Variants in OCA2 observed in about 807,000 individuals in gnomAD.
The protein encoded by OCA2 is P protein.
A neutral mutation model predicts 100.2 loss-of-function variants in OCA2; 77 were observed. The observed-to-expected ratio is 0.77, with a 90% CI of 0.64 to 0.93. The LOEUF (loss-of-function observed/expected upper bound fraction) is 0.93. Ranked by LOEUF, OCA2 falls within the 40% of genes least tolerant of loss-of-function variation. OCA2 has a pLI of 0.00. For missense variants in OCA2, 1,062 were observed against 1,089.1 expected, an observed-to-expected ratio of 0.98 and a Z score of 0.35; for synonymous variants, 432 against 439.2, an observed-to-expected ratio of 0.98 and a Z score of 0.21.
In OCA2 at chr15:28,081,830, C is replaced by A; in HGVS notation, c.45G>T (p.Pro15=). The change falls in exon 2 of 24, where the codon CCG becomes CCT. Residue 15 remains proline, a synonymous_variant. Coordinates refer to ENST00000354638, the MANE Select transcript of OCA2 (RefSeq NM_000275.3). ...CGGACGTCTGCAGGAGCTCCACCGC[C>A]GGCGCGCCGGGGTACCGCCTGCCGT... ...GRDGRRYPGA[P]AVELLQTSVP... 1 of 1,611,820 alleles carries A rather than the reference C, an allele frequency of 6.2e-7. No individual in the cohort carries two copies. The highest frequency in any genetic ancestry group is 8.5e-7 in the Non-Finnish European group (1 of 1,179,764).
intron 2 of OCA2, among the ~76,000 whole-genome samples, chr15:28,036,251 G>C (rs1011078412): frequency 1.3e-5 from 2 of 152,108 alleles, no homozygotes; most frequent in Non-Finnish European, 2.9e-5. Context: ...TGTGAGTCCT[G>C]GTAGATAACT....
At chr15:27,928,335 T>C (rs996248156) in intron 18 of OCA2, among the ~76,000 whole-genome samples, 7 of 152,198 alleles carry the variant, frequency 4.6e-5, no homozygotes, top group Non-Finnish European at 8.8e-5. Flanking sequence ...AGTCAACTTT[T>C]AGCCAATCTG....
In OCA2 at chr15:27,755,424, AT is replaced by A; in HGVS notation, c.2480del (p.Tyr827PhefsTer32). On this transcript the variant is annotated frameshift_variant, in exon 24 of 24. Coordinates refer to ENST00000354638, the MANE Select transcript of OCA2 (RefSeq NM_000275.3). LOFTEE classifies it high-confidence loss of function. ...CCACCACCACATGAGCCACAAGGAG[AT>A]AACACATCCCAACAGTGCAGGACAC... ...MVVSCTVGMCYLLVAHVVVGW... is the reference protein window; with the variant it reads ...MVVSCTVGMCXLLVAHVVVGW... 1 of 1,614,000 alleles carries A rather than the reference AT, an allele frequency of 6.2e-7. No individual in the cohort carries two copies. Among genetic ancestry groups the A allele is most frequent in the Non-Finnish European group, 8.5e-7 (1 of 1,179,868 alleles).
At chr15:27,960,957 C>T (rs1169924949) in intron 15 of OCA2, among the ~76,000 whole-genome samples, 1 of 150,710 alleles carries the variant, frequency 6.6e-6, no homozygotes, top group Non-Finnish European at 1.5e-5. Context: ...CAAATGGGAT[C>T]TAATTAAACT....
At position 27,954,116 on chromosome 15, in the gene OCA2, TACACACACACACAC is replaced by T. The variant is rs200633980; in HGVS notation, c.1842+1028_1842+1041del. Among the ~76,000 whole-genome samples, 10 of 46,382 alleles carry T rather than the reference TACACACACACACAC, an allele frequency of 2.2e-4. No homozygotes were observed. In the South Asian group the frequency reaches 4.7e-3, roughly 22 times the overall value. 30.4% of individuals were successfully genotyped at this position (46,382 alleles called of 152,430 possible). A position where few individuals can be genotyped will look rare whatever the true frequency, so the allele number is the denominator to read the frequency against. On this transcript the variant is annotated intron_variant, in intron 17 of 23. Transcript: ENST00000354638. ...TATGGCTGAGTAGTATTCCATGGCA[TACACACACACACAC>T]ACACACACACACACACACACACACA...
chr15:27,825,695 C>T (rs1221464265), intron 23 of OCA2, among the ~76,000 whole-genome samples: 1 of 152,178 alleles, frequency 6.6e-6, no homozygotes, highest in Non-Finnish European at 1.5e-5. Flanking sequence ...CTTTGGTTCT[C>T]CCAACCCCAC....
rs75936617 is a variant in OCA2, at chr15:27,969,192, T to C, written c.1504-2370A>G. Among the ~76,000 whole-genome samples, 503 of 152,076 alleles carry C rather than the reference T, an allele frequency of 3.3e-3. 6 individuals are homozygous for C. The East Asian group carries it at 0.058, about 18-fold the overall frequency. On this transcript the variant is annotated intron_variant, in intron 14 of 23. Coordinates refer to ENST00000354638, the MANE Select transcript of OCA2 (RefSeq NM_000275.3). ...ATAAAGTTTTGCCCCATTTGAAATG[T>C]TGGGGCAATTGGAGAAAAAAGTGAT... is the stretch of plus-strand genomic sequence containing the variant.
chr15:28,094,010 T>C lies in OCA2; in HGVS notation c.-22+5214A>G, dbSNP rs770004810. ...CTCTGCTCACCCAGAACTCTCCCTC[T>C]TTCTCACACATTCCTCATCCAGTTC... On this transcript the variant is annotated intron_variant, in intron 1 of 23. Coordinates refer to ENST00000354638, the MANE Select transcript of OCA2 (RefSeq NM_000275.3). 4.8e-4 allele frequency among the ~76,000 whole-genome samples: 73 copies of C among 152,142 alleles called. 2 individuals are homozygous for C. The highest frequency in any genetic ancestry group is 7.2e-4 in the Admixed American group (11 of 15,274).
rs986518556 is a variant in OCA2, at chr15:27,996,587, C to T, written c.1045-5940G>A. Among the ~76,000 whole-genome samples, 17 of 93,034 alleles carry T rather than the reference C, an allele frequency of 1.8e-4. 1 individual carries two copies. Among genetic ancestry groups the T allele is most frequent in the Non-Finnish European group, 1.0e-4 (3 of 29,434 alleles). The allele number at this position is 93,034 out of a possible 152,430, so 61.0% of individuals were successfully genotyped here. A position where few individuals can be genotyped will look rare whatever the true frequency, so the allele number is the denominator to read the frequency against. ...CAAAATTGATGGAACTTTATCTAGA[C>T]CTACCAAGAAAAAAAAAGAGCACTC... On this transcript the variant is annotated intron_variant, in intron 9 of 23. Coordinates refer to ENST00000354638, the MANE Select transcript of OCA2 (RefSeq NM_000275.3).
At chr15:27,751,242 T>C (rs1211542249), downstream of OCA2, among the ~76,000 whole-genome samples, 1 of 152,218 alleles carries the variant, frequency 6.6e-6, no homozygotes, top group Non-Finnish European at 1.5e-5. Flanking sequence ...GCATAATAAT[T>C]GGTCCTATGA....
chr15:27,813,896 T>C (rs1351614803), intron 23 of OCA2, among the ~76,000 whole-genome samples: 1 of 152,234 alleles, frequency 6.6e-6, no homozygotes, highest in African/African-American at 2.4e-5. Context: ...TTTTTTCTTT[T>C]TTAATTACTA....
At chr15:27,797,266 T>C (rs1355345840) in intron 23 of OCA2, among the ~76,000 whole-genome samples, 1 of 152,168 alleles carries the variant, frequency 6.6e-6, no homozygotes, top group Non-Finnish European at 1.5e-5. Flanking sequence ...ATCAGAGTCC[T>C]CAAGAATCCC....
At chr15:27,832,027 A>G (rs2034980354) in intron 23 of OCA2, among the ~76,000 whole-genome samples, 1 of 148,896 alleles carries the variant, frequency 6.7e-6, no homozygotes, top group Admixed American at 6.7e-5. Flanking sequence ...TCCGTCAGAG[A>G]CTCCTGCCAG....
intron 21 of OCA2, among the ~76,000 whole-genome samples, chr15:27,866,354 G>A (rs2036323465): frequency 6.6e-6 from 1 of 152,188 alleles, no homozygotes; most frequent in South Asian, 2.1e-4. Flanking sequence ...AGTGGCAGGT[G>A]GTCTGGCAGG....
intron 22 of OCA2, among the ~76,000 whole-genome samples, chr15:27,849,771 T>C (rs192705254): frequency 8.6e-4 from 129 of 150,288 alleles, no homozygotes; most frequent in African/African-American, 3.2e-3. Context: ...ATGTCCCTAA[T>C]GCCACTGAAC....
chr15:27,884,121 C>T (rs967757291), intron 19 of OCA2, among the ~76,000 whole-genome samples: 1 of 152,234 alleles, frequency 6.6e-6, no homozygotes, highest in Non-Finnish European at 1.5e-5. Flanking sequence ...GTGACTCACA[C>T]TTGTAATCCC....
chr15:27,918,617 T>C (rs2038753744), intron 19 of OCA2, among the ~76,000 whole-genome samples: 2 of 152,226 alleles, frequency 1.3e-5, no homozygotes, highest in Admixed American at 1.3e-4. Context: ...ATTCTTTGTT[T>C]TGTTCTAGTT....
Position 28,027,865 on chromosome 15 carries a change from G to A in OCA2, c.515+6C>T, listed in dbSNP as rs769140834. 2.5e-6 allele frequency: 4 copies of A among 1,612,012 alleles called. No homozygotes were observed. The highest frequency in any genetic ancestry group is 1.7e-6 in the Non-Finnish European group (2 of 1,180,006). ...CTGCCAGGGTGGGCACCCCAAGTCC[G>A]CCTACCTCAGCTTGGAAAGACGGAG... On this transcript the variant is annotated splice_donor_region_variant and intron_variant, in intron 4 of 23. Coordinates refer to ENST00000354638, the MANE Select transcript of OCA2 (RefSeq NM_000275.3).
chr15:27,882,003 C>A (rs2037038514), intron 19 of OCA2, among the ~76,000 whole-genome samples: 1 of 152,116 alleles, frequency 6.6e-6, no homozygotes, highest in Non-Finnish European at 1.5e-5. Flanking sequence ...CTGATGTGGG[C>A]ATTTGGTGCT....
Sources: allele counts gnomAD v4.1 joint callset (sites outside exome capture counted in the v4.1 genomes callset), GRCh38; gene constraint gnomAD v4.1.1; transcripts MANE v1.5; gene names NCBI Gene and HGNC (gene_info 2026-07-23, HGNC 2026-07-21).